NAV2: variants seen among roughly 807,000 people sequenced by gnomAD.
The protein encoded by NAV2 is neuron navigator 2, also known as helicase, APC down-regulated 1.
NAV2 carries 54 observed loss-of-function variants against 223.2 expected under a neutral mutation model. That is an observed-to-expected ratio of 0.24 (90% confidence interval 0.19 to 0.30). The LOEUF (loss-of-function observed/expected upper bound fraction) is 0.30, where lower values mean the gene tolerates loss of function less well. Ranked by LOEUF, NAV2 falls within the 10% of genes least tolerant of loss-of-function variation. The probability of loss-of-function intolerance (pLI) is 1.00; values close to 1 mark genes in which losing one functional copy is unlikely to be tolerated. For synonymous variants in NAV2, 1,279 were observed against 1,239.3 expected, an observed-to-expected ratio of 1.03 and a Z score of -0.67; for missense variants, 2,806 against 3,147.5, an observed-to-expected ratio of 0.89 and a Z score of 2.60.
intron 1 of NAV2, among the ~76,000 whole-genome samples, chr11:19,359,879 A>G (rs1416384467): frequency 4.0e-5 from 6 of 151,644 alleles, no homozygotes; most frequent in East Asian, 1.9e-4. Context: ...CTCCTTCCCA[A>G]TACTCTTCCT....
At chr11:19,993,970 G>A (rs1044638275) in intron 11 of NAV2, among the ~76,000 whole-genome samples, 2 of 152,170 alleles carry the variant, frequency 1.3e-5, no homozygotes, top group African/African-American at 4.8e-5. Context: ...AGTAGAGAGA[G>A]AAAGACCTAA....
chr11:19,620,228 G>C lies in NAV2; in HGVS notation c.76-212256G>C, dbSNP rs866049158. ...AGCTTTGTTCTTTTGGCTTAGGATT[G>C]ACTTGGCAATGTGGGCTCTTTTTTG... is the stretch of plus-strand genomic sequence containing the variant. On this transcript the variant is annotated intron_variant, in intron 1 of 37. Coordinates refer to the NAV2 transcript ENST00000360655. Among the ~76,000 whole-genome samples, 683 of 152,274 alleles carry C rather than the reference G, an allele frequency of 4.5e-3. 3 individuals carry two copies. Among genetic ancestry groups the C allele is most frequent in the African/African-American group, 0.016 (653 of 41,540 alleles).
intron 1 of NAV2, among the ~76,000 whole-genome samples, chr11:19,546,608 A>G (rs891376892): frequency 2.0e-5 from 3 of 152,168 alleles, no homozygotes; most frequent in African/African-American, 7.2e-5. Flanking sequence ...TCCAAACTCC[A>G]CTGTGAATCA....
chr11:19,646,198 A>G (rs1048204530), intron 1 of NAV2, among the ~76,000 whole-genome samples: 1 of 152,202 alleles, frequency 6.6e-6, no homozygotes, highest in Admixed American at 6.5e-5. Context: ...TGGCCTCTTG[A>G]GCAAATGCCA....
intron 1 of NAV2, among the ~76,000 whole-genome samples, chr11:19,649,224 G>T (rs1399887667): frequency 6.6e-6 from 1 of 152,148 alleles, no homozygotes; most frequent in Non-Finnish European, 1.5e-5. Context: ...AAGGGATATA[G>T]AACAGTGCAA....
chr11:19,907,000 G>A (rs957698693), intron 6 of NAV2, among the ~76,000 whole-genome samples: 15 of 152,346 alleles, frequency 9.8e-5, no homozygotes, highest in African/African-American at 3.6e-4. Flanking sequence ...TTTGATGGCT[G>A]TGTGGCTTTG....
Position 19,884,656 on chromosome 11 carries a change from T to C in NAV2, c.770+4529T>C, listed in dbSNP as rs371538848. Among the ~76,000 whole-genome samples the C allele has an allele frequency of 2.2e-4, 33 of 152,316 alleles. 1 individual carries two copies. Among genetic ancestry groups the C allele is most frequent in the African/African-American group, 7.5e-4 (31 of 41,560 alleles). ...TGACTGCTTTGTCATCAGACTCCAT[T>C]CTGATTTAGGTAAAGGTGAGTTTCT... On this transcript the variant is annotated intron_variant, in intron 5 of 37. Coordinates refer to ENST00000349880, the MANE Select transcript of NAV2 (RefSeq NM_145117.5).
intron 1 of NAV2, among the ~76,000 whole-genome samples, chr11:19,761,070 G>A (rs1323124636): frequency 1.3e-5 from 2 of 152,162 alleles, no homozygotes; most frequent in Non-Finnish European, 2.9e-5. Context: ...AGGCCAGAAT[G>A]AGTCTGAAAC....
intron 1 of NAV2, among the ~76,000 whole-genome samples, chr11:19,652,556 C>T (rs767873570): frequency 7.2e-5 from 11 of 152,328 alleles, no homozygotes; most frequent in South Asian, 2.1e-4. Context: ...CCCCACTCCA[C>T]GCCCACCACT....
At chr11:19,729,817 G>T (rs753800723) in intron 1 of NAV2, among the ~76,000 whole-genome samples, 2 of 152,194 alleles carry the variant, frequency 1.3e-5, no homozygotes, top group African/African-American at 2.4e-5. Context: ...TGTAACAGTG[G>T]CCTTTGGATC....
intron 16 of NAV2, among the ~76,000 whole-genome samples, 181 bp downstream of exon 16, chr11:20,050,082 C>T (rs924288269): frequency 7.2e-5 from 11 of 152,286 alleles, no homozygotes; most frequent in African/African-American, 2.6e-4. Context: ...TGCTAAAGCC[C>T]AGGGAGAGGT....
At chr11:19,622,440 C>T (rs576209274) in intron 1 of NAV2, among the ~76,000 whole-genome samples, 4 of 152,270 alleles carry the variant, frequency 2.6e-5, no homozygotes, top group Admixed American at 2.6e-4. Flanking sequence ...CTGGGTGCTC[C>T]TGTATTGGGT....
intron 1 of NAV2, among the ~76,000 whole-genome samples, chr11:19,495,827 G>C (rs1364233023): frequency 6.6e-6 from 1 of 152,128 alleles, no homozygotes; most frequent in Non-Finnish European, 1.5e-5. Context: ...GATTGCTAAG[G>C]GAGAACAAGT....
chr11:19,454,989 C>A (rs1565038), intron 1 of NAV2, among the ~76,000 whole-genome samples: 20,924 of 152,176 alleles, frequency 0.14, 1,556 homozygotes, highest in East Asian at 0.24. Flanking sequence ...AATGCAAATT[C>A]TCAGGCCCCA....
At chr11:20,059,451 G>A (rs1024024829) in intron 19 of NAV2, among the ~76,000 whole-genome samples, 6 of 152,058 alleles carry the variant, frequency 3.9e-5, no homozygotes, top group African/African-American at 1.4e-4. Context: ...ATGCCTAGTT[G>A]TTTCATTCTA....
chr11:19,890,707 C>G (rs1364250421), intron 5 of NAV2, among the ~76,000 whole-genome samples: 1 of 152,212 alleles, frequency 6.6e-6, no homozygotes, highest in Non-Finnish European at 1.5e-5. Flanking sequence ...ATAACACTGA[C>G]TTGAAGGACT....
intron 1 of NAV2, among the ~76,000 whole-genome samples, chr11:19,428,277 T>C (rs1358798639): frequency 6.6e-6 from 1 of 152,214 alleles, no homozygotes; most frequent in Non-Finnish European, 1.5e-5. Context: ...TTTAAAAGCC[T>C]CTGCCCTTTG....
rs1271978360 is a variant in NAV2, at chr11:19,653,547, A to G, written c.76-178937A>G. Among the ~76,000 whole-genome samples the G allele has an allele frequency of 2.0e-5, 3 of 152,210 alleles. No homozygotes were observed. In the East Asian group the frequency reaches 5.8e-4, roughly 29 times the overall value. ...GCAGCTTATCCAAAGACGTGTAGAC[A>G]GGCAGAGACTGGCATCAAAACCTCA... On this transcript the variant is annotated intron_variant, in intron 1 of 37. Coordinates refer to the NAV2 transcript ENST00000360655.
chr11:20,015,853 A>G (rs552873666), intron 11 of NAV2, among the ~76,000 whole-genome samples: 1 of 152,330 alleles, frequency 6.6e-6, no homozygotes, highest in East Asian at 1.9e-4. Flanking sequence ...ACTGTGGGAT[A>G]ACCTGTGAAT....
Sources: gnomAD v4.1 joint callset for allele counts (sites outside exome capture counted in the v4.1 genomes callset) on GRCh38, gnomAD v4.1.1 for gene constraint, MANE v1.5 for transcripts, NCBI Gene and HGNC (gene_info 2026-07-23, HGNC 2026-07-21) for gene names.